The following KRT24 variants were observed in gnomAD, a reference collection of about 807,000 sequenced individuals.
The protein encoded by KRT24 is keratin, type I cytoskeletal 24.
A neutral mutation model predicts 51.7 loss-of-function variants in KRT24; 44 were observed. The ratio of observed to expected loss-of-function variants is 0.85; its 90% CI spans 0.67 to 1.09. The LOEUF (loss-of-function observed/expected upper bound fraction) is 1.09. KRT24 is among the 50% of genes least tolerant of loss of function. KRT24 has a pLI of 0.00. For missense variants in KRT24, 633 were observed against 647.0 expected, an observed-to-expected ratio of 0.98 and a Z score of 0.24; for synonymous variants, 241 against 249.5, an observed-to-expected ratio of 0.97 and a Z score of 0.32.
rs36205605 is a variant in KRT24, at chr17:40,701,723, GTATATATATATA to G, written c.698+116_698+127del. 360 of 38,188 alleles carry G rather than the reference GTATATATATATA, an allele frequency of 9.4e-3. 1 individual carries two copies. Among genetic ancestry groups the G allele is most frequent in the Admixed American group, 0.025 (37 of 1,504 alleles). The allele number at this position is 38,188 out of a possible 1,614,324, so 2.4% of individuals were successfully genotyped here. ...TGTAAATTTAGGTCATGATCCTCTA[GTATATATATATA>G]TATATATATATATATATATATATAT... On this transcript the variant is annotated intron_variant, in intron 2 of 7. Transcript: ENST00000264651.
At chr17:40,702,957 T>C in intron 1 of KRT24, 122 bp downstream of exon 1, 1 of 997,496 alleles carries the variant, frequency 1.0e-6, no homozygotes. Flanking sequence ...CAGGTCCCAC[T>C]TTGCATATGT....
chr17:40,701,754 TATATATATATATATATATATATA>T lies in KRT24; in HGVS notation c.698+74_698+96del, dbSNP rs1567863044. On this transcript the variant is annotated intron_variant, in intron 2 of 7. Coordinates refer to ENST00000264651, the MANE Select transcript of KRT24 (RefSeq NM_019016.3). ...ATATATATATATATATATATATATA[TATATATATATATATATATATATA>T]TATTTATTTATAAAATGGAATAAAA... The T allele has an allele frequency of 4.0e-3, 155 of 39,090 alleles. 3 individuals carry two copies. The highest frequency in any genetic ancestry group is 9.0e-3 in the South Asian group (5 of 556). 2.4% of individuals were successfully genotyped at this position (39,090 alleles called of 1,614,324 possible). A position where few individuals can be genotyped will look rare whatever the true frequency, so the allele number is the denominator to read the frequency against.
rs751835457 is a variant in KRT24 at position 40,703,236 on chromosome 17, T to C, written c.458A>G (p.Asn153Ser). The change falls in exon 1 of 8, where the codon AAT becomes AGT. Residue 153 changes from asparagine (N) to serine (S), a missense_variant. Coordinates refer to ENST00000264651, the MANE Select transcript of KRT24 (RefSeq NM_019016.3). The stretch of plus-strand genomic sequence containing the variant: ...CAGGGCTCTGACCTTGTCTAGGTAA[T>C]TGGCCAAGCGGTCATTGAGGTTCTG... ...TMQNLNDRLA[N>S]YLDKVRALEE... 6.2e-7 allele frequency: 1 copy of C among 1,614,104 alleles called. No homozygotes were observed. The highest frequency in any genetic ancestry group is 1.7e-5 in the Admixed American group (1 of 60,014).
chr17:40,701,377 T>C (rs1020266561), intron 2 of KRT24, 81 bp from the exon 3 acceptor site: 5 of 1,187,574 alleles, frequency 4.2e-6, no homozygotes, highest in East Asian at 5.1e-5. Context: ...TTCTTACATA[T>C]TGAAAAAGTT....
intron 2 of KRT24, 104 bp downstream of exon 2, chr17:40,701,747 A>G (rs930814744): frequency 2.4e-5 from 1 of 42,116 alleles, no homozygotes; most frequent in Non-Finnish European, 4.5e-5. Context: ...ATATATATAT[A>G]TATATATATA....
intron 3 of KRT24, 47 bp downstream of exon 3, chr17:40,701,093 G>A (rs765646098): frequency 6.3e-7 from 1 of 1,588,312 alleles, no homozygotes; most frequent in Non-Finnish European, 8.6e-7. Context: ...CATATGGGGA[G>A]AAATATGTTA....
chr17:40,698,726 A>C, intron 6 of KRT24, 76 bp from the exon 7 acceptor site: 1 of 772,914 alleles, frequency 1.3e-6, no homozygotes. Flanking sequence ...GGGATTCTTC[A>C]TGATGAAGTT....
Position 40,699,536 on chromosome 17 carries a change from G to T in KRT24, c.1269C>A (p.Cys423Ter). ...GCAATTGCTTGTACTCTGCGTTCTG[G>T]CATTTAGTCTCACCCCAGATCTGGC... is the stretch of plus-strand genomic sequence containing the variant. ...EICQIWGETK[C>*]QNAEYKQLLD... The change falls in exon 6 of 8, where the codon TGC becomes TGA. Residue 423 changes from cysteine (C) to a stop codon, truncating the protein, a stop_gained. Transcript: ENST00000264651. LOFTEE classifies it high-confidence loss of function. 2 of 1,613,888 alleles carry T rather than the reference G, an allele frequency of 1.2e-6. No individual in the cohort carries two copies. The highest frequency in any genetic ancestry group is 1.7e-6 in the Non-Finnish European group (2 of 1,179,820).
intron 3 of KRT24, 54 bp from the exon 4 acceptor site, chr17:40,700,437 C>A (rs746190018): frequency 2.9e-6 from 4 of 1,357,406 alleles, no homozygotes; most frequent in Admixed American, 1.9e-5. Flanking sequence ...TGATGACTTC[C>A]GAAAATGTGC....
In KRT24 at chr17:40,703,075, T is replaced by A. The variant is rs1440474552; in HGVS notation, c.615+4A>T. 6.3e-7 allele frequency: 1 copy of A among 1,582,648 alleles called. No individual in the cohort carries two copies. Among genetic ancestry groups the A allele is most frequent in the South Asian group, 1.2e-5 (1 of 84,610 alleles). On this transcript the variant is annotated splice_donor_region_variant and intron_variant, in intron 1 of 7. Transcript: ENST00000264651. ...AATAGAAACTCAGGCACAGATAGTC[T>A]CACCTGGTTTCTGAGATCTTCAATT... is the stretch of plus-strand genomic sequence containing the variant.
Position 40,698,636 on chromosome 17 carries a change from G to T in KRT24, c.1376C>A (p.Ala459Glu). 1 of 1,583,324 alleles carries T rather than the reference G, an allele frequency of 6.3e-7. No homozygotes were observed. The highest frequency in any genetic ancestry group is 8.7e-7 in the Non-Finnish European group (1 of 1,152,682). ...LDGEGGGSSF[A>E]EFGGRNSGSV... The stretch of plus-strand genomic sequence containing the variant: ...TCCTGAGTTTCTACCACCAAATTCT[G>T]CAAAACTAGAACCACTGGAGAAAAA... Residue 459 changes from alanine to glutamate, a missense_variant, in exon 7 of 8, where the codon GCA (alanine) becomes GAA (glutamate). Transcript: ENST00000264651.
In KRT24 at chr17:40,700,267, C is replaced by T. The variant is rs199620916; in HGVS notation, c.972G>A (p.Leu324=). The change falls in exon 4 of 8, where the codon CTG becomes CTA. Residue 324 remains leucine (L), a synonymous_variant. Transcript: ENST00000264651. ...LNDMRAQYEE[L]AEQNRREAEE... is the part of the protein sequence containing the mutation. ...CAGCCTCTCGGCGGTTTTGCTCAGC[C>T]AGCTCCTCGTACTGCGCCCTCATGT... The T allele has an allele frequency of 1.9e-6, 3 of 1,614,136 alleles. No homozygotes were observed. The highest frequency in any genetic ancestry group is 2.7e-5 in the African/African-American group (2 of 75,042).
At chr17:40,701,102 T>A in intron 3 of KRT24, 38 bp downstream of exon 3, 1 of 1,600,786 alleles carries the variant, frequency 6.2e-7, no homozygotes, top group Non-Finnish European at 8.5e-7. Flanking sequence ...AGAAATATGT[T>A]AGCTAGAGTT....
chr17:40,700,451 G>A, intron 3 of KRT24, 68 bp from the exon 4 acceptor site: 4 of 1,190,214 alleles, frequency 3.4e-6, no homozygotes, highest in South Asian at 3.1e-5. Context: ...AATGTGCCTA[G>A]ACAACAACAA....
At position 40,699,494 on chromosome 17, in the gene KRT24, G is replaced by T; in HGVS notation, c.1311C>A (p.Arg437=). The T allele has an allele frequency of 6.2e-7, 1 of 1,613,978 alleles. No individual in the cohort carries two copies. The highest frequency in any genetic ancestry group is 2.2e-5 in the East Asian group (1 of 44,884). The change falls in exon 6 of 8, where the codon CGC becomes CGA. Residue 437 remains arginine, a synonymous_variant. Coordinates refer to ENST00000264651, the MANE Select transcript of KRT24 (RefSeq NM_019016.3). ...GGTAGGTCTCGATCTCCACCTCCAG[G>T]CGTGTCTTGATGTCCAGCAATTGCT... ...EYKQLLDIKT[R]LEVEIETYRR...
intron 6 of KRT24, 93 bp downstream of exon 6, chr17:40,699,351 A>G: frequency 1.1e-6 from 1 of 942,418 alleles, no homozygotes; most frequent in Non-Finnish European, 1.7e-6. Flanking sequence ...ATTACTCTCT[A>G]TATATACAAG....
chr17:40,698,474 G>T, intron 7 of KRT24, 64 bp downstream of exon 7: 2 of 1,168,402 alleles, frequency 1.7e-6, no homozygotes, highest in African/African-American at 1.5e-5. Flanking sequence ...CTTTTAGTAT[G>T]ACAAGCAAAG....
intron 6 of KRT24, 127 bp from the exon 7 acceptor site, chr17:40,698,777 CT>C: frequency 3.1e-6 from 2 of 647,266 alleles, no homozygotes; most frequent in South Asian, 1.9e-5. Context: ...GTGTCTGCTG[CT>C]TTTTTGTTCA....
Position 40,700,251 on chromosome 17 carries a change from G to A in KRT24, c.988C>T (p.Arg330Ter), listed in dbSNP as rs749795235. Reference protein sequence around the residue: ...QYEELAEQNRREAEERFNKQS... With the variant: ...QYEELAEQNR ...TTGTTGAACCGCTCCTCAGCCTCTC[G>A]GCGGTTTTGCTCAGCCAGCTCCTCG... The change falls in exon 4 of 8, where the codon CGA becomes TGA. Residue 330 changes from arginine to a stop codon, truncating the protein, a stop_gained. Transcript: ENST00000264651. LOFTEE classifies it high-confidence loss of function. The A allele has an allele frequency of 9.3e-6, 15 of 1,614,120 alleles. No individual in the cohort carries two copies. The highest frequency in any genetic ancestry group is 1.7e-5 in the Admixed American group (1 of 60,010).
Sources: allele counts gnomAD v4.1 joint callset, GRCh38; gene constraint gnomAD v4.1.1; transcripts MANE v1.5; gene names NCBI Gene and HGNC (gene_info 2026-07-23, HGNC 2026-07-21).